The following PARD3 variants were observed in gnomAD, a reference collection of about 807,000 sequenced individuals.
The protein encoded by PARD3 is partitioning defective 3 homolog.
In PARD3, 75 loss-of-function variants were observed where a neutral mutation model predicts 155.4. The ratio of observed to expected loss-of-function variants is 0.48; its 90% confidence interval spans 0.40 to 0.58. PARD3 has a LOEUF of 0.58. PARD3 is among the 20% of genes least tolerant of loss of function. The pLI is 0.00. For missense variants in PARD3, 1,642 were observed against 1,721.7 expected, an observed-to-expected ratio of 0.95 and a Z score of 0.82; for synonymous variants, 576 against 610.5, an observed-to-expected ratio of 0.94 and a Z score of 0.83.
At chr10:34,485,418 C>A (rs1395499554) in intron 3 of PARD3, among the ~76,000 whole-genome samples, 1 of 152,006 alleles carries the variant, frequency 6.6e-6, no homozygotes, top group Non-Finnish European at 1.5e-5. Flanking sequence ...GAACAATTGC[C>A]CAAGGTGATT....
intron 2 of PARD3, among the ~76,000 whole-genome samples, chr10:34,608,708 A>AT (rs2090659993): frequency 6.6e-6 from 1 of 151,692 alleles, no homozygotes; most frequent in Non-Finnish European, 1.5e-5. Flanking sequence ...CTAATTTTGT[A>AT]TTTTTAGTAG....
chr10:34,727,878 C>CCACACACA (rs61342514), intron 1 of PARD3, among the ~76,000 whole-genome samples: 2,963 of 144,654 alleles, frequency 0.02, 42 homozygotes, highest in African/African-American at 0.044. Context: ...CCTCCCTCCG[C>CCACACACA]CACACACACA....
intron 7 of PARD3, among the ~76,000 whole-genome samples, chr10:34,390,336 A>G (rs934597491): frequency 6.6e-6 from 1 of 152,188 alleles, no homozygotes; most frequent in African/African-American, 2.4e-5. Flanking sequence ...TGGGTAGACT[A>G]ATCACTACCT....
chr10:34,447,352 G>A (rs7897519), intron 5 of PARD3, among the ~76,000 whole-genome samples: 47,764 of 151,314 alleles, frequency 0.32, 7,762 homozygotes, highest in East Asian at 0.43. Flanking sequence ...ATGGTGGTGT[G>A]TGCCTGTAAT....
chr10:34,648,615 C>T (rs565267631), intron 2 of PARD3, among the ~76,000 whole-genome samples: 2 of 152,280 alleles, frequency 1.3e-5, no homozygotes, highest in African/African-American at 2.4e-5. Flanking sequence ...ACACACAGTT[C>T]CGCTAACACC....
intron 14 of PARD3, among the ~76,000 whole-genome samples, chr10:34,350,004 A>G (rs1303914585): frequency 6.6e-6 from 1 of 152,222 alleles, no homozygotes; most frequent in African/African-American, 2.4e-5. Flanking sequence ...TTTTCATAGG[A>G]AAGATTCTCC....
intron 1 of PARD3, among the ~76,000 whole-genome samples, chr10:34,724,792 C>T: frequency 6.6e-6 from 1 of 152,216 alleles, no homozygotes; most frequent in Non-Finnish European, 1.5e-5. Flanking sequence ...CAGCAGTCTG[C>T]AGGAGAGCCC....
chr10:34,769,426 C>G (rs1437013879), intron 1 of PARD3, among the ~76,000 whole-genome samples: 1 of 152,150 alleles, frequency 6.6e-6, no homozygotes, highest in African/African-American at 2.4e-5. Flanking sequence ...CTGAATTCAG[C>G]CCACCTCCTC....
chr10:34,645,709 TA>T (rs2092816700), intron 2 of PARD3, among the ~76,000 whole-genome samples: 1 of 152,204 alleles, frequency 6.6e-6, no homozygotes, highest in Non-Finnish European at 1.5e-5. Context: ...TGGGAGCAAC[TA>T]AGTATCTCTG....
At chr10:34,520,968 A>T (rs188305789) in intron 2 of PARD3, among the ~76,000 whole-genome samples, 158 of 152,316 alleles carry the variant, frequency 1.0e-3, no homozygotes, top group Admixed American at 0.01. Context: ...TGCATTTTGA[A>T]GATATTAAGT....
At chr10:34,806,531 T>C (rs989843183) in intron 1 of PARD3, among the ~76,000 whole-genome samples, 1 of 152,092 alleles carries the variant, frequency 6.6e-6, no homozygotes, top group African/African-American at 2.4e-5. Context: ...GGTCTCACTA[T>C]GTTGCCCAGG....
At chr10:34,705,231 G>A (rs1157330218) in intron 1 of PARD3, among the ~76,000 whole-genome samples, 3 of 152,168 alleles carry the variant, frequency 2.0e-5, no homozygotes, top group Non-Finnish European at 4.4e-5. Context: ...TTGAGAGGTG[G>A]AGGCAGGAGG....
At chr10:34,316,534 CT>C (rs1168894248) in intron 20 of PARD3, among the ~76,000 whole-genome samples, 1 of 152,110 alleles carries the variant, frequency 6.6e-6, no homozygotes, top group African/African-American at 2.4e-5. Context: ...CTATTTGTAA[CT>C]TTTTTTATTA....
intron 3 of PARD3, among the ~76,000 whole-genome samples, chr10:34,482,866 A>G (rs1035852274): frequency 1.3e-5 from 2 of 151,848 alleles, no homozygotes; most frequent in African/African-American, 4.8e-5. Flanking sequence ...AAAAAAAAAA[A>G]TGCAAGGTGC....
intron 14 of PARD3, among the ~76,000 whole-genome samples, chr10:34,356,789 C>T (rs537041347): frequency 1.3e-5 from 2 of 152,318 alleles, no homozygotes; most frequent in South Asian, 4.1e-4. Flanking sequence ...TTGAGATCTT[C>T]TGTCTTCATG....
chr10:34,277,390 C>T (rs1220863551), intron 21 of PARD3, among the ~76,000 whole-genome samples: 1 of 152,136 alleles, frequency 6.6e-6, no homozygotes, highest in Non-Finnish European at 1.5e-5. Flanking sequence ...TGCCCCCTAA[C>T]AGTAGGTAAG....
chr10:34,466,101 A>G (rs2077990308), intron 4 of PARD3, among the ~76,000 whole-genome samples: 1 of 152,184 alleles, frequency 6.6e-6, no homozygotes, highest in Non-Finnish European at 1.5e-5. Flanking sequence ...TCCCTAAAAC[A>G]GTTGGAAAAG....
At chr10:34,534,934 C>T (rs2083117949) in intron 2 of PARD3, among the ~76,000 whole-genome samples, 1 of 152,146 alleles carries the variant, frequency 6.6e-6, no homozygotes, top group African/African-American at 2.4e-5. Flanking sequence ...ATTGCTTGAA[C>T]CTGGGAGGCA....
chr10:34,405,623 T>TA (rs1467564459), intron 5 of PARD3, among the ~76,000 whole-genome samples: 1 of 152,174 alleles, frequency 6.6e-6, no homozygotes, highest in South Asian at 2.1e-4. Context: ...AAAGTAGATG[T>TA]AAAAAAAGTA....
Sources: allele counts gnomAD v4.1 joint callset (sites outside exome capture counted in the v4.1 genomes callset), GRCh38; gene constraint gnomAD v4.1.1; transcripts MANE v1.5; gene names NCBI Gene and HGNC (gene_info 2026-07-23, HGNC 2026-07-21).